Variants in KRIT1 observed in about 807,000 individuals in gnomAD.
The protein encoded by KRIT1 is krev interaction trapped protein 1.
Under a neutral mutation model 95.8 loss-of-function variants are expected in KRIT1, and 45 were observed. The observed-to-expected ratio is 0.47, with a 90% CI of 0.37 to 0.60. The LOEUF (loss-of-function observed/expected upper bound fraction) is 0.60. Ranked by LOEUF, KRIT1 falls within the 20% of genes least tolerant of loss-of-function variation. The probability of loss-of-function intolerance (pLI) is 0.00; values close to 1 mark genes in which losing one functional copy is unlikely to be tolerated. For missense variants in KRIT1, 788 were observed against 877.5 expected (o/e 0.90, Z 1.29); for synonymous variants, 282 against 278.8 (o/e 1.01, Z -0.11).
chr7:92,234,807 C>T lies in KRIT1; in HGVS notation c.845+1G>A, dbSNP rs1563302941. Reference sequence around the variant, plus strand: ...AATGTGGAGTAAAACCGAAACAGTACTTGTCTTCTGTGACACTGCTCATGC... The same window carrying T: ...AATGTGGAGTAAAACCGAAACAGTATTTGTCTTCTGTGACACTGCTCATGC... On this transcript the variant is annotated splice_donor_variant, in intron 9 of 18. Transcript: ENST00000394505. LOFTEE classifies it high-confidence loss of function. 1 of 1,543,572 alleles carries T rather than the reference C, an allele frequency of 6.5e-7. No homozygotes were observed. Among genetic ancestry groups the T allele is most frequent in the Non-Finnish European group, 9.0e-7 (1 of 1,115,668 alleles).
chr7:92,206,651 G>A (rs947205687), intron 17 of KRIT1: 64 of 151,860 alleles, frequency 4.2e-4, no homozygotes, highest in African/African-American at 1.4e-3. Flanking sequence ...TAAATATAAC[G>A]ATACAAAAAA....
chr7:92,221,859 T>C, intron 14 of KRIT1, 43 bp downstream of exon 14: 1 of 1,564,504 alleles, frequency 6.4e-7, no homozygotes. Context: ...ACTCAACAGA[T>C]TTTGTGCATT....
At chr7:92,212,224 G>A (rs1037219367) in intron 17 of KRIT1, among the ~76,000 whole-genome samples, 1 of 152,136 alleles carries the variant, frequency 6.6e-6, no homozygotes, top group African/African-American at 2.4e-5. Flanking sequence ...CTCCCCAAAA[G>A]GTTCTTGTAC....
chr7:92,200,371 TTG>T lies in KRIT1; in HGVS notation c.*363_*364del. On this transcript the variant is annotated 3_prime_UTR_variant, in exon 19 of 19. Transcript: ENST00000394505. ...TGTTGAAAGTAATTTTTTTTTTTTT[TTG>T]AGATGGAGTCTTGCTGTGTCACCCA... The T allele has an allele frequency of 7.7e-6, 2 of 258,672 alleles. No individual in the cohort carries two copies. The highest frequency in any genetic ancestry group is 4.9e-5 in the South Asian group (1 of 20,300). 16.0% of individuals were successfully genotyped at this position (258,672 alleles called of 1,614,324 possible).
chr7:92,203,903 TA>T (rs1443831249), intron 17 of KRIT1: 3 of 152,312 alleles, frequency 2.0e-5, no homozygotes, highest in East Asian at 1.9e-4. Context: ...TACAAGCTAA[TA>T]AACAGCAGCC....
chr7:92,208,300 G>A (rs1243080581), intron 17 of KRIT1, among the ~76,000 whole-genome samples: 1 of 150,694 alleles, frequency 6.6e-6, no homozygotes, highest in Non-Finnish European at 1.5e-5. Flanking sequence ...AACTAGAAAA[G>A]CAAGAAAAAA....
intron 14 of KRIT1, among the ~76,000 whole-genome samples, chr7:92,218,346 G>A (rs1794423833): frequency 6.6e-6 from 1 of 150,644 alleles, no homozygotes; most frequent in Non-Finnish European, 1.5e-5. Flanking sequence ...TCCTTCCAAA[G>A]CACTGGGATT....
intron 12 of KRIT1, among the ~76,000 whole-genome samples, chr7:92,223,478 T>G (rs1795586805): frequency 6.6e-6 from 1 of 151,868 alleles, no homozygotes; most frequent in African/African-American, 2.4e-5. Context: ...CTTCCATTAC[T>G]TGTATTTTCT....
In KRIT1 at chr7:92,211,595, T is replaced by C. The variant is rs185563380; in HGVS notation, c.2025+1600A>G. 1.9e-3 allele frequency among the ~76,000 whole-genome samples: 283 copies of C among 152,308 alleles called. 2 individuals are homozygous for C. Among genetic ancestry groups the C allele is most frequent in the African/African-American group, 6.3e-3 (261 of 41,570 alleles). On this transcript the variant is annotated intron_variant, in intron 17 of 18. Transcript: ENST00000394505. The stretch of plus-strand genomic sequence containing the variant: ...AGAATGAATAAGTTGCCGTGTTTCA[T>C]AGTACACTAGGGTGACTATAGTTAA...
At chr7:92,207,099 A>G (rs988973281) in intron 17 of KRIT1, among the ~76,000 whole-genome samples, 13 of 152,266 alleles carry the variant, frequency 8.5e-5, no homozygotes, top group Middle Eastern at 6.8e-3. Flanking sequence ...AAGAAATAAT[A>G]GCTGAAAACT....
chr7:92,244,573 TGA>T (rs1227407451), intron 2 of KRIT1, among the ~76,000 whole-genome samples: 3 of 151,974 alleles, frequency 2.0e-5, no homozygotes, highest in African/African-American at 7.3e-5. Context: ...TCCAGTGACA[TGA>T]AAGAAGGAAA....
At chr7:92,203,198 T>G (rs1356779118) in intron 17 of KRIT1, among the ~76,000 whole-genome samples, 1 of 152,342 alleles carries the variant, frequency 6.6e-6, no homozygotes, top group Admixed American at 6.5e-5. Context: ...TCCCATGTAG[T>G]GTTTTAAATG....
At chr7:92,208,464 T>C (rs938613796) in intron 17 of KRIT1, among the ~76,000 whole-genome samples, 4 of 152,022 alleles carry the variant, frequency 2.6e-5, no homozygotes, top group South Asian at 4.1e-4. Context: ...AGTAAACTGT[T>C]AGGTAGACTA....
intron 17 of KRIT1, among the ~76,000 whole-genome samples, chr7:92,209,920 A>T (rs1246456702): frequency 6.6e-6 from 1 of 152,074 alleles, no homozygotes; most frequent in Non-Finnish European, 1.5e-5. Context: ...AAAGAAAAAA[A>T]AAATTAGCTG....
At chr7:92,208,396 GA>G (rs1443101468) in intron 17 of KRIT1, among the ~76,000 whole-genome samples, 3 of 151,190 alleles carry the variant, frequency 2.0e-5, no homozygotes, top group East Asian at 1.9e-4. Flanking sequence ...AAAGAAAAAA[GA>G]AAAAAATTAC....
intron 14 of KRIT1, among the ~76,000 whole-genome samples, chr7:92,216,296 CTA>C (rs1490071445): frequency 6.7e-6 from 1 of 148,268 alleles, no homozygotes; most frequent in African/African-American, 2.5e-5. Flanking sequence ...TTAAAATACT[CTA>C]TATTATTAAA....
At chr7:92,231,232 AATG>A (rs1797223759) in intron 10 of KRIT1, among the ~76,000 whole-genome samples, 1 of 152,116 alleles carries the variant, frequency 6.6e-6, no homozygotes, top group Non-Finnish European at 1.5e-5. Context: ...ATTTTGGGAA[AATG>A]ATGATTCTAG....
intron 17 of KRIT1, among the ~76,000 whole-genome samples, chr7:92,203,680 T>A (rs1213920313): frequency 6.6e-6 from 1 of 152,222 alleles, no homozygotes; most frequent in Non-Finnish European, 1.5e-5. Flanking sequence ...TATATAAAAC[T>A]TTGTATTATT....
chr7:92,236,018 A>C (rs1798376736), intron 7 of KRIT1: 1 of 242,344 alleles, frequency 4.1e-6, no homozygotes, highest in Non-Finnish European at 8.0e-6. Context: ...CTTTCAAAAA[A>C]CATAAAAGTA....
Sources: allele counts gnomAD v4.1 joint callset (sites outside exome capture counted in the v4.1 genomes callset), GRCh38; gene constraint gnomAD v4.1.1; transcripts MANE v1.5; gene names NCBI Gene and HGNC (gene_info 2026-07-23, HGNC 2026-07-21).